The following OPCML variants were observed in gnomAD, a reference collection of about 807,000 sequenced individuals.
The protein encoded by OPCML is opioid binding protein/cell adhesion molecule like, also known as opioid-binding protein/cell adhesion molecule.
Under a neutral mutation model 37.8 loss-of-function variants are expected in OPCML, and 13 were observed. The observed-to-expected ratio is 0.34, with a 90% CI of 0.22 to 0.55. The LOEUF is 0.55. OPCML is among the 20% of genes least tolerant of loss of function. OPCML has a pLI of 0.91. For missense variants in OPCML, 341 were observed against 435.6 expected (o/e 0.78, Z 1.93); for synonymous variants, 176 against 168.8 (o/e 1.04, Z -0.33).
intron 1 of OPCML, among the ~76,000 whole-genome samples, chr11:133,029,815 A>G (rs1267240751): frequency 6.6e-6 from 1 of 152,034 alleles, no homozygotes; most frequent in Non-Finnish European, 1.5e-5. Context: ...GCATCACGCT[A>G]TATATTCTTG....
chr11:132,595,373 G>A (rs1164974583), intron 3 of OPCML, among the ~76,000 whole-genome samples: 3 of 152,186 alleles, frequency 2.0e-5, no homozygotes, highest in Non-Finnish European at 2.9e-5. Context: ...ATGTGTCCCT[G>A]TCCTGCTGTA....
intron 1 of OPCML, among the ~76,000 whole-genome samples, chr11:133,434,152 C>T (rs181828557): frequency 1.1e-3 from 168 of 152,126 alleles, no homozygotes; most frequent in Middle Eastern, 6.8e-3. Flanking sequence ...GAGAAATTAC[C>T]TTTATAGTTA....
At chr11:133,010,539 A>T (rs1383052819) in intron 1 of OPCML, among the ~76,000 whole-genome samples, 1 of 152,236 alleles carries the variant, frequency 6.6e-6, no homozygotes, top group Non-Finnish European at 1.5e-5. Context: ...TAACTTAATA[A>T]CTGTGACCAA....
chr11:132,523,050 C>T (rs1051526670), intron 4 of OPCML, among the ~76,000 whole-genome samples: 1 of 152,192 alleles, frequency 6.6e-6, no homozygotes, highest in Non-Finnish European at 1.5e-5. Context: ...GATTCTCCTG[C>T]GTCAGCCTCC....
Position 132,668,251 on chromosome 11 carries a change from C to G in OPCML, c.147-10932G>C, listed in dbSNP as rs1057405274. ...TCTTCTAAGTTCATATTGACAATAT[C>G]AAGAATGATGATGAGAGCTGAGAGT... On this transcript the variant is annotated intron_variant, in intron 2 of 7. Transcript: ENST00000524381. Among the ~76,000 whole-genome samples the G allele has an allele frequency of 4.6e-5, 7 of 152,230 alleles. No homozygotes were observed. The East Asian group carries it at 1.4e-3, about 29-fold the overall frequency.
At chr11:133,384,947 C>T (rs536500136) in intron 1 of OPCML, among the ~76,000 whole-genome samples, 1 of 152,350 alleles carries the variant, frequency 6.6e-6, no homozygotes, top group African/African-American at 2.4e-5. Context: ...GGAGGGGAGG[C>T]CAACACAGAG....
chr11:133,126,021 T>C (rs1949508513), intron 1 of OPCML, among the ~76,000 whole-genome samples: 1 of 150,594 alleles, frequency 6.6e-6, no homozygotes, highest in South Asian at 2.1e-4. Flanking sequence ...CATATGTGTA[T>C]ATATACACTA....
chr11:132,599,431 G>A (rs945339498), intron 3 of OPCML, among the ~76,000 whole-genome samples: 47 of 136,992 alleles, frequency 3.4e-4, no homozygotes, highest in Non-Finnish European at 2.3e-4. Flanking sequence ...GGAAGAAGGT[G>A]GAGGAGAAGG....
intron 1 of OPCML, among the ~76,000 whole-genome samples, chr11:133,130,817 G>A (rs757279887): frequency 6.6e-6 from 1 of 152,052 alleles, no homozygotes; most frequent in Non-Finnish European, 1.5e-5. Flanking sequence ...TGACAAAGGA[G>A]CTAAAGAAAT....
chr11:132,466,334 A>T (rs1346521969), intron 4 of OPCML, among the ~76,000 whole-genome samples: 1 of 147,756 alleles, frequency 6.8e-6, no homozygotes, highest in Non-Finnish European at 1.5e-5. Context: ...AAAAAAAAAA[A>T]ATAGCCAGGT....
chr11:133,421,077 G>T, intron 1 of OPCML: 7 of 985,350 alleles, frequency 7.1e-6, no homozygotes, highest in Non-Finnish European at 8.4e-6. Flanking sequence ...TTATTGGAGG[G>T]CAAACATAAT....
At chr11:133,496,308 T>C (rs1373224693) in intron 1 of OPCML, among the ~76,000 whole-genome samples, 1 of 152,204 alleles carries the variant, frequency 6.6e-6, no homozygotes, top group Non-Finnish European at 1.5e-5. Context: ...TATGGCCTAA[T>C]AGTACAGTTT....
chr11:133,140,892 CGAA>C lies in OPCML; in HGVS notation c.62-197885_62-197883del, dbSNP rs1441357930. On this transcript the variant is annotated intron_variant, in intron 1 of 7. Coordinates refer to ENST00000524381, the MANE Select transcript of OPCML (RefSeq NM_001012393.5). ...ACGACGAAGAAGACGACGACGACGA[CGAA>C]GACGACGACGACGAAGAAGAAGAAG... is the stretch of plus-strand genomic sequence containing the variant. Among the ~76,000 whole-genome samples the C allele has an allele frequency of 6.2e-3, 29 of 4,644 alleles. 7 individuals carry two copies. Among genetic ancestry groups the C allele is most frequent in the Admixed American group, 0.011 (2 of 178 alleles). 3.0% of individuals were successfully genotyped at this position (4,644 alleles called of 152,430 possible).
intron 2 of OPCML, among the ~76,000 whole-genome samples, chr11:132,698,001 TA>T (rs2135912108): frequency 1.4e-5 from 2 of 147,894 alleles, no homozygotes; most frequent in South Asian, 2.1e-4. Flanking sequence ...TTTATTTATT[TA>T]TTTATTTATT....
chr11:132,972,707 G>A (rs964156911), intron 1 of OPCML, among the ~76,000 whole-genome samples: 13 of 152,242 alleles, frequency 8.5e-5, no homozygotes, highest in Admixed American at 1.3e-4. Flanking sequence ...CGCAAGGACC[G>A]TCAGCCTGAC....
chr11:132,618,190 A>G (rs1219839670), intron 3 of OPCML, among the ~76,000 whole-genome samples: 1 of 152,224 alleles, frequency 6.6e-6, no homozygotes, highest in African/African-American at 2.4e-5. Flanking sequence ...AATGAACACA[A>G]CGGTAAGGAG....
intron 3 of OPCML, among the ~76,000 whole-genome samples, chr11:132,533,590 C>A (rs1373555195): frequency 6.6e-6 from 1 of 152,198 alleles, no homozygotes; most frequent in Non-Finnish European, 1.5e-5. Context: ...AACTTCTTAG[C>A]AGGATTTACA....
At chr11:133,361,608 C>T (rs144422659) in intron 1 of OPCML, 17,604 of 158,460 alleles carry the variant, frequency 0.11, 1,273 homozygotes, top group African/African-American at 0.21. Flanking sequence ...CCTGCAGCTA[C>T]TCCGGGGCAC....
chr11:133,101,352 C>T (rs1416837945), intron 1 of OPCML, among the ~76,000 whole-genome samples: 1 of 152,172 alleles, frequency 6.6e-6, no homozygotes, highest in Non-Finnish European at 1.5e-5. Context: ...AGAAAAGCCA[C>T]AAACTGGGAG....
Sources: allele counts gnomAD v4.1 joint callset (sites outside exome capture counted in the v4.1 genomes callset), GRCh38; gene constraint gnomAD v4.1.1; transcripts MANE v1.5; gene names NCBI Gene and HGNC (gene_info 2026-07-23, HGNC 2026-07-21).